Variants in PHACTR1 observed in about 807,000 individuals in gnomAD.
PHACTR1 encodes the protein RPEL repeat containing 1.
Under a neutral mutation model 69.2 loss-of-function variants are expected in PHACTR1, and 16 were observed. That is an observed-to-expected ratio of 0.23 (90% CI 0.16 to 0.35). PHACTR1 has a LOEUF of 0.35. Ranked by LOEUF, PHACTR1 falls within the 10% of genes least tolerant of loss-of-function variation. The pLI is 1.00. For missense variants in PHACTR1, 510 were observed against 734.7 expected (o/e 0.69, Z 3.54); for synonymous variants, 312 against 284.5 (o/e 1.10, Z -0.97).
intron 5 of PHACTR1, among the ~76,000 whole-genome samples, chr6:13,127,471 G>A (rs1273464866): frequency 2.0e-5 from 3 of 152,170 alleles, no homozygotes; most frequent in Admixed American, 1.3e-4. Flanking sequence ...TCAGGAGGCC[G>A]AGGCAGGAGG....
At chr6:13,093,441 C>T (rs1402767429) in intron 5 of PHACTR1, among the ~76,000 whole-genome samples, 1 of 152,172 alleles carries the variant, frequency 6.6e-6, no homozygotes, top group Non-Finnish European at 1.5e-5. Flanking sequence ...AACAATCAGC[C>T]TCCCACGGCC....
chr6:12,869,136 A>G, intron 4 of PHACTR1, among the ~76,000 whole-genome samples: 1 of 152,136 alleles, frequency 6.6e-6, no homozygotes, highest in Non-Finnish European at 1.5e-5. Context: ...AGGTAGAACA[A>G]CCCTGGGCCA....
intron 4 of PHACTR1, among the ~76,000 whole-genome samples, chr6:12,976,116 G>T (rs984668074): frequency 6.6e-6 from 1 of 152,160 alleles, no homozygotes; most frequent in African/African-American, 2.4e-5. Flanking sequence ...TGGGGGAGGG[G>T]GTGATGGAAG....
chr6:12,993,571 T>A (rs1384760496), intron 4 of PHACTR1, among the ~76,000 whole-genome samples: 1 of 152,214 alleles, frequency 6.6e-6, no homozygotes, highest in Non-Finnish European at 1.5e-5. Flanking sequence ...AAGACTCTGA[T>A]TAAGGGAAGC....
intron 5 of PHACTR1, among the ~76,000 whole-genome samples, chr6:13,076,610 A>G (rs114183298): frequency 0.015 from 2,338 of 152,216 alleles, 71 homozygotes; most frequent in African/African-American, 0.053. Context: ...AGATGAAAAA[A>G]TGCAATTCCT....
chr6:13,085,214 C>T (rs1468900901), intron 5 of PHACTR1, among the ~76,000 whole-genome samples: 2 of 151,922 alleles, frequency 1.3e-5, no homozygotes, highest in African/African-American at 4.8e-5. Flanking sequence ...TATAATCTCT[C>T]ATTCCATAAT....
intron 4 of PHACTR1, among the ~76,000 whole-genome samples, chr6:12,765,858 C>T (rs1269980190): frequency 3.9e-5 from 6 of 152,168 alleles, no homozygotes. Flanking sequence ...TGGCCTCCTC[C>T]CAAGTGACTT....
At chr6:13,057,286 T>TA (rs1475219903) in intron 5 of PHACTR1, among the ~76,000 whole-genome samples, 5 of 152,032 alleles carry the variant, frequency 3.3e-5, no homozygotes, top group Non-Finnish European at 5.9e-5. Context: ...TATTAATTTT[T>TA]AAAAAAAGGA....
chr6:12,820,525 A>G (rs963983402), intron 4 of PHACTR1, among the ~76,000 whole-genome samples: 1 of 152,178 alleles, frequency 6.6e-6, no homozygotes, highest in African/African-American at 2.4e-5. Context: ...CTTGTTTCAG[A>G]GCAAAGAGAT....
intron 4 of PHACTR1, among the ~76,000 whole-genome samples, chr6:12,888,288 T>C (rs1203258050): frequency 6.6e-6 from 1 of 152,088 alleles, no homozygotes; most frequent in Non-Finnish European, 1.5e-5. Flanking sequence ...GCCTAGCTGG[T>C]GCCATCTATT....
chr6:12,775,855 A>G (rs1355926079), intron 4 of PHACTR1, among the ~76,000 whole-genome samples: 1 of 152,210 alleles, frequency 6.6e-6, no homozygotes, highest in Non-Finnish European at 1.5e-5. Context: ...GATTCTATGG[A>G]TGAGAAACCA....
Position 13,172,416 on chromosome 6 carries a change from C to A in PHACTR1, c.497-10103C>A, listed in dbSNP as rs567431871. On this transcript the variant is annotated intron_variant, in intron 6 of 14. Transcript: ENST00000332995. ...ACTGCTGGGGAGGTATAACCATACC[C>A]GGGAGACAGGCACCACACAATTCCA... is the stretch of plus-strand genomic sequence containing the variant. Among the ~76,000 whole-genome samples, 4 of 152,196 alleles carry A rather than the reference C, an allele frequency of 2.6e-5. No individual in the cohort carries two copies. In the East Asian group the frequency reaches 7.7e-4, roughly 29 times the overall value.
intron 4 of PHACTR1, among the ~76,000 whole-genome samples, chr6:12,790,930 T>C (rs1468217287): frequency 6.6e-6 from 1 of 152,134 alleles, no homozygotes; most frequent in African/African-American, 2.4e-5. Context: ...GGGGGAAGAC[T>C]AATTTCCCCC....
intron 4 of PHACTR1, among the ~76,000 whole-genome samples, chr6:12,845,434 C>CCCT (rs1554149774): frequency 1.8e-5 from 1 of 56,390 alleles, no homozygotes; most frequent in African/African-American, 5.8e-5. Flanking sequence ...CACCCACCCC[C>CCCT]CCCCCCCCCG....
intron 4 of PHACTR1, among the ~76,000 whole-genome samples, chr6:12,851,280 A>G (rs915943644): frequency 2.0e-5 from 3 of 152,216 alleles, no homozygotes; most frequent in Admixed American, 1.3e-4. Context: ...GCCTAGTTCA[A>G]GGGAGGCTTG....
At chr6:12,924,231 T>C (rs767015525) in intron 4 of PHACTR1, among the ~76,000 whole-genome samples, 9 of 152,230 alleles carry the variant, frequency 5.9e-5, no homozygotes, top group Non-Finnish European at 1.3e-4. Flanking sequence ...TATACATAAA[T>C]ATATTTACAT....
chr6:13,126,777 A>G (rs1263347720), intron 5 of PHACTR1, among the ~76,000 whole-genome samples: 1 of 152,258 alleles, frequency 6.6e-6, no homozygotes, highest in Non-Finnish European at 1.5e-5. Context: ...CACAATTAGT[A>G]AATGGTAGAT....
chr6:12,965,433 TCA>T (rs1427505231), intron 4 of PHACTR1, among the ~76,000 whole-genome samples: 2 of 148,090 alleles, frequency 1.4e-5, no homozygotes, highest in Non-Finnish European at 3.0e-5. Flanking sequence ...TGTGTCTTTT[TCA>T]CAGTCTATTT....
rs561155008 is a variant in PHACTR1, at chr6:13,246,553, ACT to A, written c.1391+16363_1391+16364del. 1.4e-4 allele frequency among the ~76,000 whole-genome samples: 22 copies of A among 151,996 alleles called. No homozygotes were observed. Among genetic ancestry groups the A allele is most frequent in the Non-Finnish European group, 3.2e-4 (22 of 67,996 alleles). ...GTGATTCTTTCAAATGATAAGTGAA[ACT>A]CTAATCATGTATACTTATTAAGAAT... is the stretch of plus-strand genomic sequence containing the variant. On this transcript the variant is annotated intron_variant, in intron 10 of 14. Transcript: ENST00000332995. This position sits in a 1 kb window ranked among gnomAD's most constrained non-coding sequence, Gnocchi z 4.2.
Sources: gnomAD v4.1 joint callset for allele counts (sites outside exome capture counted in the v4.1 genomes callset) on GRCh38, gnomAD v4.1.1 for gene constraint, Gnocchi (gnomAD v3.1) non-coding constraint, MANE v1.5 for transcripts, NCBI Gene and HGNC (gene_info 2026-07-23, HGNC 2026-07-21) for gene names.